The following DOCK3 variants were observed in gnomAD, a reference collection of about 807,000 sequenced individuals.
DOCK3 encodes dedicator of cytokinesis protein 3.
In DOCK3, 60 loss-of-function variants were observed where a neutral mutation model predicts 265.6. The ratio of observed to expected loss-of-function variants is 0.23; its 90% CI spans 0.18 to 0.28. DOCK3 has a LOEUF of 0.28. Among genes scored for constraint, DOCK3 ranks in the 10% least tolerant of loss-of-function variants. The probability of loss-of-function intolerance (pLI) is 1.00; values close to 1 mark genes in which losing one functional copy is unlikely to be tolerated. For synonymous variants in DOCK3, 881 were observed against 938.0 expected, an observed-to-expected ratio of 0.94 and a Z score of 1.11; for missense variants, 1,981 against 2,594.3, an observed-to-expected ratio of 0.76 and a Z score of 5.14.
At chr3:50,913,415 G>A (rs1209152200) in intron 4 of DOCK3, among the ~76,000 whole-genome samples, 1 of 152,006 alleles carries the variant, frequency 6.6e-6, no homozygotes, top group Non-Finnish European at 1.5e-5. Flanking sequence ...GCAGCCTGGG[G>A]CTAGGGGAGG....
intron 12 of DOCK3, among the ~76,000 whole-genome samples, chr3:51,168,202 A>G (rs1018482050): frequency 2.0e-4 from 30 of 152,232 alleles, no homozygotes; most frequent in African/African-American, 7.2e-4. Flanking sequence ...TGCACTATCA[A>G]ACTACTAGTG....
chr3:51,000,168 A>G (rs1473955309), intron 5 of DOCK3, among the ~76,000 whole-genome samples: 1 of 152,160 alleles, frequency 6.6e-6, no homozygotes, highest in African/African-American at 2.4e-5. Context: ...TGGACCTTGA[A>G]TGGCCTGTTA....
At chr3:51,285,210 T>G (rs2081341896) in intron 27 of DOCK3, among the ~76,000 whole-genome samples, 1 of 152,054 alleles carries the variant, frequency 6.6e-6, no homozygotes, top group Non-Finnish European at 1.5e-5. Context: ...GGTGAGATCC[T>G]TCTACACAAG....
chr3:51,272,651 C>A (rs145400848), intron 24 of DOCK3, among the ~76,000 whole-genome samples: 1 of 151,950 alleles, frequency 6.6e-6, no homozygotes, highest in Non-Finnish European at 1.5e-5. Context: ...ATTTGTAATA[C>A]TAAATAGATG....
chr3:50,962,678 G>A (rs375216446), intron 5 of DOCK3, among the ~76,000 whole-genome samples: 1 of 151,742 alleles, frequency 6.6e-6, no homozygotes, highest in African/African-American at 2.4e-5. Context: ...AGTGAGACCT[G>A]TAGCTTAGAG....
At chr3:51,089,379 C>T in intron 8 of DOCK3, 95 bp downstream of exon 8, 1 of 1,436,650 alleles carries the variant, frequency 7.0e-7, no homozygotes, top group Non-Finnish European at 9.6e-7. Context: ...ACAGACACCA[C>T]TGACTTCTTG....
chr3:50,980,778 A>G (rs2077661228), intron 5 of DOCK3, among the ~76,000 whole-genome samples: 1 of 151,988 alleles, frequency 6.6e-6, no homozygotes, highest in Non-Finnish European at 1.5e-5. Flanking sequence ...TATACTTTAT[A>G]TTGCTTTGGT....
chr3:51,275,233 T>C, intron 25 of DOCK3, 27 bp downstream of exon 25: 1 of 1,613,148 alleles, frequency 6.2e-7, no homozygotes, highest in African/African-American at 1.3e-5. Context: ...CACTCCACCC[T>C]GTTCAGCTCT....
chr3:51,075,809 G>T (rs1043780686), intron 7 of DOCK3, among the ~76,000 whole-genome samples: 9 of 152,156 alleles, frequency 5.9e-5, no homozygotes, highest in Non-Finnish European at 1.3e-4. Flanking sequence ...ATTGAGCCTG[G>T]AAATAATGTA....
At chr3:50,736,328 C>T (rs1054875700) in intron 1 of DOCK3, among the ~76,000 whole-genome samples, 6 of 152,154 alleles carry the variant, frequency 3.9e-5, no homozygotes, top group African/African-American at 1.2e-4. Context: ...GGTTCCAAGT[C>T]TTTGCTGTTG....
At chr3:50,854,846 A>G (rs1040542070) in intron 3 of DOCK3, among the ~76,000 whole-genome samples, 4 of 152,018 alleles carry the variant, frequency 2.6e-5, no homozygotes, top group Non-Finnish European at 4.4e-5. Context: ...ATTCTTCTGC[A>G]TAGGGCTAGC....
intron 12 of DOCK3, among the ~76,000 whole-genome samples, chr3:51,165,064 G>A (rs1036355349): frequency 1.3e-4 from 19 of 145,896 alleles, no homozygotes; most frequent in Non-Finnish European, 1.3e-4. Context: ...TCAGCCTCCC[G>A]AGTAGCTGGG....
intron 2 of DOCK3, among the ~76,000 whole-genome samples, chr3:50,786,104 ATAG>A: frequency 6.6e-6 from 1 of 152,274 alleles, no homozygotes; most frequent in Middle Eastern, 3.4e-3. Context: ...AAAGATGTTC[ATAG>A]TAGCCTTGAA....
intron 27 of DOCK3, among the ~76,000 whole-genome samples, chr3:51,291,215 A>G (rs576374911): frequency 6.6e-6 from 1 of 152,330 alleles, no homozygotes; most frequent in Admixed American, 6.5e-5. Flanking sequence ...AAGATCTCAA[A>G]CAACCCAATG....
At chr3:50,786,830 T>C in intron 2 of DOCK3, 1 of 741,880 alleles carries the variant, frequency 1.3e-6, no homozygotes, top group Non-Finnish European at 2.6e-6. Context: ...TAGCTGGTAA[T>C]TGTACTGAAA....
intron 22 of DOCK3, among the ~76,000 whole-genome samples, chr3:51,251,067 T>G (rs2079194346): frequency 6.6e-6 from 1 of 152,170 alleles, no homozygotes; most frequent in African/African-American, 2.4e-5. Flanking sequence ...CCCCACCCTG[T>G]GTCCAAGTGT....
chr3:51,229,718 T>A, intron 19 of DOCK3, 109 bp downstream of exon 19: 7 of 801,588 alleles, frequency 8.7e-6, no homozygotes, highest in Non-Finnish European at 1.3e-5. Context: ...TTCATCAGAT[T>A]TTTGTTGTTG....
intron 14 of DOCK3, among the ~76,000 whole-genome samples, chr3:51,223,910 T>C (rs1273233216): frequency 6.6e-6 from 1 of 152,150 alleles, no homozygotes; most frequent in Non-Finnish European, 1.5e-5. Flanking sequence ...AAACCTACCC[T>C]GTACACCTGA....
rs561885661 is a variant in DOCK3 at position 51,317,753 on chromosome 3, A to G, written c.3402+2625A>G. 9.9e-5 allele frequency among the ~76,000 whole-genome samples: 15 copies of G among 152,018 alleles called. No homozygotes were observed. The South Asian group carries it at 2.9e-3, about 29-fold the overall frequency. On this transcript the variant is annotated intron_variant, in intron 32 of 52. Transcript: ENST00000266037. ...CAATGTATACATATATCAAAACATC[A>G]TATTGTACTCTATAAATAGATATAA...
Sources: allele counts gnomAD v4.1 joint callset (sites outside exome capture counted in the v4.1 genomes callset), GRCh38; gene constraint gnomAD v4.1.1; transcripts MANE v1.5; gene names NCBI Gene and HGNC (gene_info 2026-07-23, HGNC 2026-07-21).